INO80D: variants seen among roughly 807,000 people sequenced by gnomAD.
INO80D encodes the protein INO80 complex subunit D.
In INO80D, 21 loss-of-function variants were observed where a neutral mutation model predicts 87.6. The observed-to-expected ratio is 0.24, with a 90% CI of 0.17 to 0.35. INO80D has a LOEUF of 0.35. Among genes scored for constraint, INO80D ranks in the 10% least tolerant of loss-of-function variants. The probability of loss-of-function intolerance (pLI) is 1.00; values close to 1 mark genes in which losing one functional copy is unlikely to be tolerated. For synonymous variants in INO80D, 440 were observed against 491.0 expected, an observed-to-expected ratio of 0.90 and a Z score of 1.37; for missense variants, 982 against 1,280.7, an observed-to-expected ratio of 0.77 and a Z score of 3.56.
chr2:206,042,544 T>G (rs760710427), intron 5 of INO80D, among the ~76,000 whole-genome samples: 3 of 151,648 alleles, frequency 2.0e-5, no homozygotes, highest in Non-Finnish European at 4.4e-5. Flanking sequence ...TAGCCAGGCG[T>G]GGTGGCTGGC....
chr2:206,084,172 ATG>A (rs764009424), intron 1 of INO80D, among the ~76,000 whole-genome samples: 7 of 151,450 alleles, frequency 4.6e-5, no homozygotes, highest in African/African-American at 9.7e-5. Context: ...ATGAATATAT[ATG>A]TGTTTATATA....
chr2:206,004,300 G>A lies in INO80D; in HGVS notation c.*68C>T, dbSNP rs1156917198. 7.4e-7 allele frequency: 1 copy of A among 1,349,716 alleles called. No individual in the cohort carries two copies. The highest frequency in any genetic ancestry group is 2.1e-5 in the Admixed American group (1 of 48,544). 83.6% of individuals were successfully genotyped at this position (1,349,716 alleles called of 1,614,324 possible). A position where few individuals can be genotyped will look rare whatever the true frequency, so the allele number is the denominator to read the frequency against. ...ATCTTCTTTAGGAAAAGGGGAGAGG[G>A]GTGCTAAAGAGGAAACAAAGATAGA... On this transcript the variant is annotated 3_prime_UTR_variant, in exon 11 of 11. Coordinates refer to ENST00000403263, the MANE Select transcript of INO80D (RefSeq NM_017759.5). The surrounding 1 kb of genome is among the most constrained non-coding windows in gnomAD (Gnocchi z 4.9).
Position 206,028,169 on chromosome 2 carries a change from G to C in INO80D, c.1240C>G (p.Pro414Ala). ...KALLQAASKE[P>A]ECTGQLIQEL... Reference sequence around the variant, plus strand: ...TGTATTAACTGACCAGTGCATTCTGGTTCTTTACTGGCCGCCTGCAGCAAA... The same window carrying C: ...TGTATTAACTGACCAGTGCATTCTGCTTCTTTACTGGCCGCCTGCAGCAAA... The change falls in exon 6 of 11, where the codon CCA becomes GCA. Residue 414 changes from proline (P) to alanine (A), a missense_variant. By Grantham distance (27) the Pro-to-Ala change is conservative (BLOSUM62 -1). Transcript: ENST00000403263. The C allele has an allele frequency of 1.3e-6, 2 of 1,584,680 alleles. No individual in the cohort carries two copies. The highest frequency in any genetic ancestry group is 1.7e-6 in the Non-Finnish European group (2 of 1,165,658).
intron 1 of INO80D, 47 bp from the exon 2 acceptor site, chr2:206,063,291 G>C: frequency 1.9e-6 from 1 of 521,400 alleles, no homozygotes; most frequent in Non-Finnish European, 3.3e-6. Flanking sequence ...AATAAGCAAA[G>C]CTAGCTCACC....
chr2:206,083,429 T>G (rs905761039), intron 1 of INO80D, among the ~76,000 whole-genome samples: 2 of 152,222 alleles, frequency 1.3e-5, no homozygotes, highest in Non-Finnish European at 2.9e-5. Flanking sequence ...TAACGATTTT[T>G]GGTACACATG....
intron 1 of INO80D, among the ~76,000 whole-genome samples, chr2:206,065,976 T>C (rs569977620): frequency 6.6e-6 from 1 of 152,164 alleles, no homozygotes; most frequent in East Asian, 1.9e-4. Flanking sequence ...AAGAACAGCA[T>C]GGGCCGGGCG....
Position 206,019,871 on chromosome 2 carries a change from ATT to A in INO80D, c.1299-28_1299-27del, listed in dbSNP as rs11366043. On this transcript the variant is annotated intron_variant, in intron 6 of 10. Transcript: ENST00000403263. The stretch of plus-strand genomic sequence containing the variant: ...CTAAGGAAAGAAAAACAGAGAATTA[ATT>A]TTTTTTTAATGCTTTAAGAATCCAG... 12 of 1,530,756 alleles carry A rather than the reference ATT, an allele frequency of 7.8e-6. No homozygotes were observed. In the East Asian group the frequency reaches 9.2e-5, roughly 12 times the overall value. The allele number at this position is 1,530,756 out of a possible 1,614,324, so 94.8% of individuals were successfully genotyped here. A position where few individuals can be genotyped will look rare whatever the true frequency, so the allele number is the denominator to read the frequency against.
chr2:206,053,870 G>A lies in INO80D; in HGVS notation c.964+2328C>T, dbSNP rs746209558. On this transcript the variant is annotated intron_variant, in intron 4 of 10. Transcript: ENST00000403263. The stretch of plus-strand genomic sequence containing the variant: ...TTTTTTTTTTTTGAGATGGAGTTTC[G>A]CTCTTGTTGCCCAAGCTGGAGTACA... Among the ~76,000 whole-genome samples, 111 of 146,580 alleles carry A rather than the reference G, an allele frequency of 7.6e-4. 1 individual carries two copies. Among genetic ancestry groups the A allele is most frequent in the Non-Finnish European group, 8.8e-4 (59 of 67,086 alleles).
At chr2:206,039,373 G>A (rs1688976179) in intron 5 of INO80D, among the ~76,000 whole-genome samples, 1 of 151,710 alleles carries the variant, frequency 6.6e-6, no homozygotes, top group African/African-American at 2.4e-5. Flanking sequence ...CTCCGGCCTG[G>A]GCAACAAAAG....
At position 206,004,981 on chromosome 2, in the gene INO80D, G is replaced by A. The variant is rs1687985628; in HGVS notation, c.2471C>T (p.Ser824Leu). 6.2e-7 allele frequency: 1 copy of A among 1,613,908 alleles called. No homozygotes were observed. Among genetic ancestry groups the A allele is most frequent in the Non-Finnish European group, 8.5e-7 (1 of 1,179,886 alleles). ...QQYSSDHSHS[S>L]PHGSHYDSEH... is the part of the protein sequence containing the mutation. ...ACTATCATAATGGCTTCCATGGGGT[G>A]AGGAGTGTGAGTGATCACTGCTGTA... The change falls in exon 11 of 11, where the codon TCA (serine) becomes TTA (leucine). Residue 824 changes from serine to leucine, a missense_variant. By Grantham distance (145) the Ser-to-Leu change is moderately radical. Coordinates refer to ENST00000403263, the MANE Select transcript of INO80D (RefSeq NM_017759.5). The surrounding 1 kb of genome is among the most constrained non-coding windows in gnomAD (Gnocchi z 4.9).
intron 6 of INO80D, among the ~76,000 whole-genome samples, 180 bp downstream of exon 6, chr2:206,027,931 A>G (rs1688660054): frequency 6.6e-6 from 1 of 152,202 alleles, no homozygotes; most frequent in Admixed American, 6.6e-5. Flanking sequence ...TTTTACTGTT[A>G]GCTCATGGCA....
In INO80D at chr2:206,056,833, G is replaced by A. The variant is rs1228796499; in HGVS notation, c.329C>T (p.Ala110Val). ...VKVRHQMDTM[A>V]FSLTVPTLAL... ...CAACGTGGGCACTGTCAGGCTAAAG[G>A]CCATGGTATCCATCTGGTGCCTGAC... Residue 110 changes from alanine (A) to valine (V), a missense_variant, in exon 4 of 11, where the codon GCC (alanine) becomes GTC (valine). Physicochemically the swap from Ala to Val is moderately conservative, Grantham distance 64. Coordinates refer to ENST00000403263, the MANE Select transcript of INO80D (RefSeq NM_017759.5). 1 of 1,612,004 alleles carries A rather than the reference G, an allele frequency of 6.2e-7. No individual in the cohort carries two copies. The highest frequency in any genetic ancestry group is 1.3e-5 in the African/African-American group (1 of 75,042).
chr2:206,004,390 G>T lies in INO80D; in HGVS notation c.3062C>A (p.Ser1021Tyr). ...ATATSTNNAS[S>Y]PFPSPN Reference sequence around the variant, plus strand: ...CCCTCAGTTAGGGGAGGGAAAGGGAGAAGATGCATTATTGGTACTTGTAGC... The same window carrying T: ...CCCTCAGTTAGGGGAGGGAAAGGGATAAGATGCATTATTGGTACTTGTAGC... The change falls in exon 11 of 11, where the codon TCT becomes TAT. Residue 1021 changes from serine to tyrosine, a missense_variant. Physicochemically the swap from Ser to Tyr is moderately radical, Grantham distance 144. Coordinates refer to ENST00000403263, the MANE Select transcript of INO80D (RefSeq NM_017759.5). This position sits in a 1 kb window ranked among gnomAD's most constrained non-coding sequence, Gnocchi z 4.9. The T allele has an allele frequency of 6.3e-7, 1 of 1,597,710 alleles. No individual in the cohort carries two copies. The highest frequency in any genetic ancestry group is 8.5e-7 in the Non-Finnish European group (1 of 1,172,218).
At chr2:206,017,864 A>G in intron 7 of INO80D, 51 bp from the exon 8 acceptor site, 2 of 1,529,362 alleles carry the variant, frequency 1.3e-6, no homozygotes, top group Non-Finnish European at 1.8e-6. Flanking sequence ...TAATTTTTCA[A>G]TTTCTATATA....
At chr2:206,043,613 A>T (rs1051142831) in intron 5 of INO80D, among the ~76,000 whole-genome samples, 2 of 151,854 alleles carry the variant, frequency 1.3e-5, no homozygotes, top group Admixed American at 1.3e-4. Flanking sequence ...TCAGCCTCCC[A>T]AGTAGCTGGG....
Position 206,005,396 on chromosome 2 carries a change from A to G in INO80D, c.2056T>C (p.Ser686Pro). The G allele has an allele frequency of 6.2e-7, 1 of 1,613,910 alleles. No individual in the cohort carries two copies. The highest frequency in any genetic ancestry group is 8.5e-7 in the Non-Finnish European group (1 of 1,179,882). ...QSDGVPVQEL[S>P]DRGIGVFSTG... Reference sequence around the variant, plus strand: ...GAGAACACCCCTATTCCTCTATCTGACAACTCCTGGACTGGCACACCATCT... The same window carrying G: ...GAGAACACCCCTATTCCTCTATCTGGCAACTCCTGGACTGGCACACCATCT... Residue 686 changes from serine to proline, a missense_variant, in exon 11 of 11, where the codon TCA becomes CCA. Transcript: ENST00000403263.
intron 5 of INO80D, 76 bp from the exon 6 acceptor site, chr2:206,028,411 GA>G: frequency 8.4e-7 from 1 of 1,185,550 alleles, no homozygotes. Flanking sequence ...CGAGAATTAG[GA>G]AATGTAGCTG....
In INO80D at chr2:206,009,611, T is replaced by C; in HGVS notation, c.1726A>G (p.Ser576Gly). The C allele has an allele frequency of 6.2e-7, 1 of 1,613,746 alleles. No individual in the cohort carries two copies. Among genetic ancestry groups the C allele is most frequent in the Non-Finnish European group, 8.5e-7 (1 of 1,179,794 alleles). ...GAGGCCTCCACTGGCAGTGAGACGC[T>C]GGCGGGCATGCTGAGGTTCCCTTGG... ...VPQGNLSMPA[S>G]VSLPVEASHI... Residue 576 changes from serine (S) to glycine (G), a missense_variant, in exon 9 of 11, where the codon AGC (serine) becomes GGC (glycine). Transcript: ENST00000403263.
chr2:206,048,847 G>C (rs1689269016), intron 4 of INO80D, among the ~76,000 whole-genome samples: 5 of 152,178 alleles, frequency 3.3e-5, no homozygotes, highest in Non-Finnish European at 5.9e-5. Flanking sequence ...GCTGCAGTGA[G>C]CCATGATCAT....
Sources: gnomAD v4.1 joint callset for allele counts (sites outside exome capture counted in the v4.1 genomes callset) on GRCh38, gnomAD v4.1.1 for gene constraint, Gnocchi (gnomAD v3.1) non-coding constraint, MANE v1.5 for transcripts, NCBI Gene and HGNC (gene_info 2026-07-23, HGNC 2026-07-21) for gene names.